Variants in PRPF8 observed in about 807,000 individuals in gnomAD.
PRPF8 encodes the protein pre-mRNA processing factor 8.
Under a neutral mutation model 285.9 loss-of-function variants are expected in PRPF8, and 64 were observed. The ratio of observed to expected loss-of-function variants is 0.22; its 90% confidence interval spans 0.18 to 0.28. PRPF8 has a LOEUF of 0.28. Among genes scored for constraint, PRPF8 ranks in the 10% least tolerant of loss-of-function variants. The pLI, the probability that PRPF8 is intolerant of heterozygous loss-of-function variation, is 1.00. For missense variants in PRPF8, 1,426 were observed against 3,026.7 expected, an observed-to-expected ratio of 0.47 and a Z score of 12.41; for synonymous variants, 1,325 against 1,118.2, an observed-to-expected ratio of 1.18 and a Z score of -3.69.
Position 1,653,641 on chromosome 17 carries a change from G to C in PRPF8, c.6270C>G (p.Ile2090Met), listed in dbSNP as rs1911198320. ...CCTTGATGTCGTCAGATGAAACATA[G>C]ATGTGATTGGTCCTTAGGTGCAGGT... ...AANLHLRTNH[I>M]YVSSDDIKET... The change falls in exon 39 of 43, where the codon ATC (isoleucine) becomes ATG (methionine). Residue 2090 changes from isoleucine to methionine, a missense_variant. By Grantham distance (10) the Ile-to-Met change is conservative. This residue lies in a region of PRPF8 where 160 missense variants were observed against 373.7 expected (regional missense o/e 0.43). Transcript: ENST00000304992. This position sits in a 1 kb window ranked among gnomAD's most constrained non-coding sequence, Gnocchi z 4.9. The C allele has an allele frequency of 6.2e-7, 1 of 1,614,176 alleles. No individual in the cohort carries two copies. The highest frequency in any genetic ancestry group is 8.5e-7 in the Non-Finnish European group (1 of 1,180,042).
At chr17:1,683,738 T>A in intron 2 of PRPF8, 37 bp from the exon 3 acceptor site, 1 of 1,610,252 alleles carries the variant, frequency 6.2e-7, no homozygotes. Context: ...CTGCACACCC[T>A]CCCCCTAATC....
At chr17:1,681,406 CA>C in intron 6 of PRPF8, 71 bp downstream of exon 6, 1 of 1,467,420 alleles carries the variant, frequency 6.8e-7, no homozygotes, top group African/African-American at 1.4e-5. Flanking sequence ...GAAGTTATAT[CA>C]GGACTTTAAG....
Position 1,675,070 on chromosome 17 carries a change from G to T in PRPF8, c.3060+82C>A. On this transcript the variant is annotated intron_variant, in intron 20 of 42. Transcript: ENST00000304992. The surrounding 1 kb of genome is among the most constrained non-coding windows in gnomAD (Gnocchi z 6.0). ...TTACAGGCATGAGCCACCGCACCCA[G>T]CCTCCTCCTCAGCAAATTCTGAGTC... The T allele has an allele frequency of 1.3e-6, 2 of 1,552,346 alleles. No individual in the cohort carries two copies.
In PRPF8 at chr17:1,681,487, A is replaced by T; in HGVS notation, c.857T>A (p.Ile286Asn). 2.5e-6 allele frequency: 4 copies of T among 1,585,652 alleles called. No homozygotes were observed. Among genetic ancestry groups the T allele is most frequent in the Non-Finnish European group, 3.5e-6 (4 of 1,154,090 alleles). ...AATCTCTCCAACTCACTGTAGGTTGATGTCTCGAACAAGAGGTTCAAATTT... is the reference window on the plus strand; with the variant it reads ...AATCTCTCCAACTCACTGTAGGTTGTTGTCTCGAACAAGAGGTTCAAATTT... The part of the protein sequence containing the change: ...GPKFEPLVRD[I>N]NLQDEDWNEF... The change falls in exon 6 of 43, where the codon ATC becomes AAC. Residue 286 changes from isoleucine (I) to asparagine (N), a missense_variant. Physicochemically the swap from Ile to Asn is moderately radical, Grantham distance 149. Coordinates refer to ENST00000304992, the MANE Select transcript of PRPF8 (RefSeq NM_006445.4).
chr17:1,673,670 A>G lies in PRPF8; in HGVS notation c.3446+76T>C. On this transcript the variant is annotated intron_variant, in intron 22 of 42. Transcript: ENST00000304992. This position sits in a 1 kb window ranked among gnomAD's most constrained non-coding sequence, Gnocchi z 5.5. ...CACAGCCACGCCTCTCCCACCCAGGACGCAGCCTCAGGTATGCCCTCTCTG... is the reference window on the plus strand; with the variant it reads ...CACAGCCACGCCTCTCCCACCCAGGGCGCAGCCTCAGGTATGCCCTCTCTG... The G allele has an allele frequency of 6.2e-7, 1 of 1,611,872 alleles. No homozygotes were observed. The highest frequency in any genetic ancestry group is 8.5e-7 in the Non-Finnish European group (1 of 1,179,084).
chr17:1,658,376 A>G lies in PRPF8; in HGVS notation c.5382T>C (p.Phe1794=). The G allele has an allele frequency of 6.2e-7, 1 of 1,614,168 alleles. No homozygotes were observed. Among genetic ancestry groups the G allele is most frequent in the Non-Finnish European group, 8.5e-7 (1 of 1,180,040 alleles). ...NVYRVTIHKT[F]EGNLTTKPIN... is the part of the protein sequence containing the mutation. ...TGGGCTTGGTTGTCAAGTTCCCTTC[A>G]AAGGTCTAGAGGAGGACGGCATTCG... The change falls in exon 34 of 43, where the codon TTT becomes TTC. Residue 1794 remains phenylalanine (F), a synonymous_variant. Transcript: ENST00000304992. This position sits in a 1 kb window ranked among gnomAD's most constrained non-coding sequence, Gnocchi z 4.1.
intron 37 of PRPF8, 78 bp downstream of exon 37, chr17:1,655,272 C>G (rs753243880): frequency 4.1e-5 from 64 of 1,548,178 alleles, no homozygotes; most frequent in Non-Finnish European, 5.5e-5. Context: ...TGAGAAACTT[C>G]TAAGCCTAAG....
At position 1,678,414 on chromosome 17, in the gene PRPF8, C is replaced by T. The variant is rs1312780109; in HGVS notation, c.1854+104G>A. The T allele has an allele frequency of 6.3e-6, 9 of 1,430,022 alleles. No homozygotes were observed. The East Asian group carries it at 9.1e-5, about 14-fold the overall frequency. The allele number at this position is 1,430,022 out of a possible 1,614,324, so 88.6% of individuals were successfully genotyped here. ...AGGAGAATTGCTTGAACTCAGGAGG[C>T]GGAGGTTGCAGTGAGCCAAGATCGT... On this transcript the variant is annotated intron_variant, in intron 13 of 42. Transcript: ENST00000304992.
At position 1,675,609 on chromosome 17, in the gene PRPF8, G is replaced by C. The variant is rs773012698; in HGVS notation, c.2872+11C>G. 1.9e-6 allele frequency: 3 copies of C among 1,614,070 alleles called. No individual in the cohort carries two copies. The highest frequency in any genetic ancestry group is 2.5e-6 in the Non-Finnish European group (3 of 1,179,964). On this transcript the variant is annotated intron_variant, in intron 19 of 42. Transcript: ENST00000304992. This position sits in a 1 kb window ranked among gnomAD's most constrained non-coding sequence, Gnocchi z 6.0. ...CCCGTTCCTCACAGGGCGATCTCAT[G>C]AAAGTTCTACCTTGACACCACTTGT...
Position 1,681,065 on chromosome 17 carries a change from A to T in PRPF8, c.867-11T>A. 1 of 1,612,870 alleles carries T rather than the reference A, an allele frequency of 6.2e-7. No homozygotes were observed. The highest frequency in any genetic ancestry group is 8.5e-7 in the Non-Finnish European group (1 of 1,179,136). ...TTCCAGTCTTCATCCCTAGGGTACA[A>T]CATCAAGAATAAGCAGACTTTTTTT... On this transcript the variant is annotated splice_polypyrimidine_tract_variant and intron_variant, in intron 6 of 42. Transcript: ENST00000304992.
intron 24 of PRPF8, among the ~76,000 whole-genome samples, chr17:1,666,704 AT>A (rs1912008616): frequency 6.6e-6 from 1 of 152,206 alleles, no homozygotes; most frequent in Admixed American, 6.5e-5. Flanking sequence ...CTTCTGAACA[AT>A]TATTGAGGTG....
chr17:1,652,227 C>G, intron 39 of PRPF8: 1 of 307,584 alleles, frequency 3.3e-6, no homozygotes, highest in Non-Finnish European at 6.3e-6. Context: ...TTCAAATTTG[C>G]CAACCTGACA....
intron 3 of PRPF8, among the ~76,000 whole-genome samples, 170 bp from the exon 4 acceptor site, chr17:1,682,463 C>T (rs1217543699): frequency 1.3e-5 from 2 of 152,172 alleles, no homozygotes; most frequent in Non-Finnish European, 2.9e-5. Context: ...CCCTCTCCAA[C>T]TTCACCTTGC....
At position 1,679,007 on chromosome 17, in the gene PRPF8, A is replaced by C; in HGVS notation, c.1599+10T>G. On this transcript the variant is annotated intron_variant, in intron 11 of 42. Coordinates refer to ENST00000304992, the MANE Select transcript of PRPF8 (RefSeq NM_006445.4). This position sits in a 1 kb window ranked among gnomAD's most constrained non-coding sequence, Gnocchi z 4.7. ...AAGCCCAGGAGGCCCCTAGGGTCCA[A>C]TGCAGGCACCTTGGTGGTGAGCGTT... 6.2e-7 allele frequency: 1 copy of C among 1,614,092 alleles called. No individual in the cohort carries two copies. The highest frequency in any genetic ancestry group is 1.1e-5 in the South Asian group (1 of 91,088).
rs930962142 is a variant in PRPF8, at chr17:1,658,893, C to T, written c.5139-130G>A. ...ACAACACTCTGCTCATGTGTACATA[C>T]AGGCTGGAGAAGAGAATCAGTGACC... is the stretch of plus-strand genomic sequence containing the variant. On this transcript the variant is annotated intron_variant, in intron 32 of 42. Transcript: ENST00000304992. The surrounding 1 kb of genome is among the most constrained non-coding windows in gnomAD (Gnocchi z 4.1). The T allele has an allele frequency of 3.6e-6, 3 of 824,860 alleles. No homozygotes were observed. The highest frequency in any genetic ancestry group is 1.7e-5 in the African/African-American group (1 of 59,348). The allele number at this position is 824,860 out of a possible 1,614,324, so 51.1% of individuals were successfully genotyped here. A position where few individuals can be genotyped will look rare whatever the true frequency, so the allele number is the denominator to read the frequency against.
rs1208391592 is a variant in PRPF8 at position 1,676,272 on chromosome 17, TG to T, written c.2486del (p.Pro829HisfsTer24). ...ACTTGGTGTCATGCTTATAGGAGAG[TG>T]GGGGGAATGGGATGGGTGAAAACCT... ...SRRFSPIPFP[P>X]LSYKHDTKLL... On this transcript the variant is annotated frameshift_variant, in exon 17 of 43. Coordinates refer to ENST00000304992, the MANE Select transcript of PRPF8 (RefSeq NM_006445.4). LOFTEE classifies it high-confidence loss of function. The surrounding 1 kb of genome is among the most constrained non-coding windows in gnomAD (Gnocchi z 6.3). 6.2e-7 allele frequency: 1 copy of T among 1,613,302 alleles called. No individual in the cohort carries two copies.
chr17:1,683,989 C>A (rs948229122), intron 2 of PRPF8, among the ~76,000 whole-genome samples: 15 of 151,620 alleles, frequency 9.9e-5, no homozygotes, highest in African/African-American at 3.6e-4. Flanking sequence ...TGGGTTCAAG[C>A]CATTCTCCTG....
chr17:1,684,700 C>T, intron 1 of PRPF8, 80 bp downstream of exon 1: 1 of 961,726 alleles, frequency 1.0e-6, no homozygotes, highest in Admixed American at 2.0e-5. Flanking sequence ...CATCCAGCCC[C>T]GCCCGGCCTA....
At chr17:1,680,367 G>C (rs928088514) in intron 8 of PRPF8, 10 of 369,632 alleles carry the variant, frequency 2.7e-5, no homozygotes, top group African/African-American at 2.1e-4. Flanking sequence ...GGACAACTCT[G>C]AGAATAAGCT....
Sources: allele counts gnomAD v4.1 joint callset (sites outside exome capture counted in the v4.1 genomes callset), GRCh38; gene constraint gnomAD v4.1.1; regional missense constraint gnomAD v4.1.1; non-coding constraint Gnocchi (gnomAD v3.1); transcripts MANE v1.5; gene names NCBI Gene and HGNC (gene_info 2026-07-23, HGNC 2026-07-21).